Variants in ARHGEF3 observed in about 807,000 individuals in gnomAD.
ARHGEF3 encodes the protein Rho guanine nucleotide exchange factor 3, also known as 59.8 kDA protein.
Under a neutral mutation model 63.2 loss-of-function variants are expected in ARHGEF3, and 28 were observed. The observed-to-expected ratio is 0.44, with a 90% CI of 0.33 to 0.61. The LOEUF (loss-of-function observed/expected upper bound fraction) is 0.61, where lower values mean the gene tolerates loss of function less well. Among genes scored for constraint, ARHGEF3 ranks in the 20% least tolerant of loss-of-function variants. The probability of loss-of-function intolerance (pLI) is 0.03; values close to 1 mark genes in which losing one functional copy is unlikely to be tolerated. For missense variants in ARHGEF3, 533 were observed against 659.3 expected, an observed-to-expected ratio of 0.81 and a Z score of 2.10; for synonymous variants, 266 against 254.2, an observed-to-expected ratio of 1.05 and a Z score of -0.44.
intron 4 of ARHGEF3, chr3:56,882,209 G>T: frequency 7.4e-7 from 1 of 1,358,722 alleles, no homozygotes; most frequent in Non-Finnish European, 1.0e-6. Flanking sequence ...CCCACTTCAA[G>T]CACACAGCAT....
At chr3:56,871,615 C>A (rs549487990) in intron 4 of ARHGEF3, among the ~76,000 whole-genome samples, 1 of 152,052 alleles carries the variant, frequency 6.6e-6, no homozygotes, top group Non-Finnish European at 1.5e-5. Flanking sequence ...ACATTCTTAC[C>A]TTTACTAACA....
intron 4 of ARHGEF3, among the ~76,000 whole-genome samples, chr3:56,846,184 C>T (rs928696995): frequency 1.1e-4 from 16 of 152,182 alleles, no homozygotes; most frequent in African/African-American, 3.6e-4. Context: ...ATAACAATTC[C>T]TTCTTCACTC....
chr3:57,004,961 A>AAAAT (rs1477893695), intron 2 of ARHGEF3, among the ~76,000 whole-genome samples: 54 of 150,402 alleles, frequency 3.6e-4, no homozygotes, highest in African/African-American at 1.1e-3. Context: ...CTCCATTTTA[A>AAAAT]AAATAAATAA....
chr3:56,764,253 C>A (rs1463232192), intron 2 of ARHGEF3, among the ~76,000 whole-genome samples: 23 of 152,118 alleles, frequency 1.5e-4, no homozygotes, highest in Admixed American at 1.4e-3. Flanking sequence ...ATTAGGAAGG[C>A]TTCCAGAGGC....
chr3:56,813,496 T>C (rs1486511481), intron 4 of ARHGEF3, among the ~76,000 whole-genome samples: 2 of 152,216 alleles, frequency 1.3e-5, no homozygotes, highest in Non-Finnish European at 2.9e-5. Context: ...CTCACCGTGT[T>C]ATCGAAAAGA....
intron 1 of ARHGEF3, chr3:57,075,497 TTTC>T (rs1481410524): frequency 1.4e-5 from 2 of 143,694 alleles, no homozygotes; most frequent in African/African-American, 2.7e-5. Context: ...CCTCTTTTTT[TTTC>T]TTCTTTTTTT....
intron 1 of ARHGEF3, among the ~76,000 whole-genome samples, chr3:57,063,300 A>G (rs75360742): frequency 6.6e-6 from 1 of 152,118 alleles, no homozygotes; most frequent in Admixed American, 6.5e-5. Context: ...AGCCACCCTA[A>G]AGGCTTTGGC....
At chr3:56,736,673 G>C (rs1340821512) in intron 8 of ARHGEF3, among the ~76,000 whole-genome samples, 1 of 152,158 alleles carries the variant, frequency 6.6e-6, no homozygotes, top group Non-Finnish European at 1.5e-5. Flanking sequence ...GCAACCCTAT[G>C]TTGGTTTCCA....
chr3:57,045,809 T>C (rs1272173678), intron 1 of ARHGEF3, among the ~76,000 whole-genome samples: 1 of 152,196 alleles, frequency 6.6e-6, no homozygotes, highest in Non-Finnish European at 1.5e-5. Context: ...TGCCAGTTTT[T>C]CTAATTGAGG....
chr3:56,820,620 T>C (rs923513943), intron 4 of ARHGEF3, among the ~76,000 whole-genome samples: 2 of 151,412 alleles, frequency 1.3e-5, no homozygotes, highest in Admixed American at 6.6e-5. Context: ...CTGGGCAACA[T>C]AGTAAAGACC....
intron 1 of ARHGEF3, among the ~76,000 whole-genome samples, chr3:56,789,543 T>C (rs1385500701): frequency 2.0e-5 from 3 of 152,242 alleles, no homozygotes; most frequent in African/African-American, 7.2e-5. Flanking sequence ...CTATGCTAAA[T>C]GTCCAAATTT....
chr3:56,953,938 C>T (rs903848770), intron 3 of ARHGEF3, among the ~76,000 whole-genome samples: 1 of 152,186 alleles, frequency 6.6e-6, no homozygotes, highest in Admixed American at 6.5e-5. Context: ...TATACTTGAG[C>T]TAGTTTTAAC....
At chr3:56,889,807 A>G (rs188017861) in intron 3 of ARHGEF3, among the ~76,000 whole-genome samples, 1 of 152,346 alleles carries the variant, frequency 6.6e-6, no homozygotes, top group Admixed American at 6.5e-5. Flanking sequence ...CATGCTTGTA[A>G]TCCCAGCACT....
chr3:56,761,998 C>T (rs9825091), intron 2 of ARHGEF3, among the ~76,000 whole-genome samples: 46,181 of 152,072 alleles, frequency 0.3, 11,912 homozygotes, highest in African/African-American at 0.68. Flanking sequence ...ACATTTTGGA[C>T]TAGAGATTCT....
chr3:56,801,750 A>C lies in ARHGEF3; in HGVS notation c.49T>G (p.Cys17Gly). The change falls in exon 1 of 10, where the codon TGC becomes GGC. Residue 17 changes from cysteine (C) to glycine (G), a missense_variant. Cys to Gly is a radical substitution (Grantham distance 159). Coordinates refer to ENST00000296315, the MANE Select transcript of ARHGEF3 (RefSeq NM_019555.3). ...CTGGCCGGGGGTAGCTCCAGGCTGCAGTTCGCTCTCTTGACCGTGAGGTAG... is the reference window on the plus strand; with the variant it reads ...CTGGCCGGGGGTAGCTCCAGGCTGCCGTTCGCTCTCTTGACCGTGAGGTAG... Reference protein sequence around the residue: ...PFYLTVKRANCSLELPPASGP... With the variant: ...PFYLTVKRANGSLELPPASGP... 1 of 1,569,956 alleles carries C rather than the reference A, an allele frequency of 6.4e-7. No individual in the cohort carries two copies. The highest frequency in any genetic ancestry group is 1.3e-5 in the African/African-American group (1 of 74,350).
chr3:57,046,361 A>G (rs1704454472), intron 1 of ARHGEF3, among the ~76,000 whole-genome samples: 1 of 152,156 alleles, frequency 6.6e-6, no homozygotes, highest in African/African-American at 2.4e-5. Context: ...CAAACTTCCA[A>G]TATCTCATAG....
chr3:56,880,530 T>C (rs988326740), intron 4 of ARHGEF3, among the ~76,000 whole-genome samples: 6 of 152,178 alleles, frequency 3.9e-5, no homozygotes, highest in Non-Finnish European at 8.8e-5. Flanking sequence ...AATATATACT[T>C]GGGGGAAAAT....
At chr3:57,030,315 C>T (rs1703680630) in intron 2 of ARHGEF3, among the ~76,000 whole-genome samples, 1 of 152,180 alleles carries the variant, frequency 6.6e-6, no homozygotes, top group Non-Finnish European at 1.5e-5. Flanking sequence ...GGAGGAGGTG[C>T]TCAACACATA....
At chr3:56,871,532 A>G (rs1404364037) in intron 4 of ARHGEF3, among the ~76,000 whole-genome samples, 1 of 152,140 alleles carries the variant, frequency 6.6e-6, no homozygotes, top group East Asian at 1.9e-4. Context: ...GAAAAATCTA[A>G]ACACCAAGTG....
Sources: allele counts gnomAD v4.1 joint callset (sites outside exome capture counted in the v4.1 genomes callset), GRCh38; gene constraint gnomAD v4.1.1; transcripts MANE v1.5; gene names NCBI Gene and HGNC (gene_info 2026-07-23, HGNC 2026-07-21).